The following MAFK variants were observed in gnomAD, a reference collection of about 807,000 sequenced individuals.
The protein encoded by MAFK is MAF bZIP transcription factor K.
A neutral mutation model predicts 9.2 loss-of-function variants in MAFK; 1 was observed. The observed-to-expected ratio is 0.11, with a 90% confidence interval of 0.04 to 0.52. The LOEUF (loss-of-function observed/expected upper bound fraction) is 0.52, where lower values mean the gene tolerates loss of function less well. Ranked by LOEUF, MAFK falls within the 20% of genes least tolerant of loss-of-function variation. The pLI, the probability that MAFK is intolerant of heterozygous loss-of-function variation, is 0.94. For missense variants in MAFK, 207 were observed against 236.0 expected, an observed-to-expected ratio of 0.88 and a Z score of 0.81; for synonymous variants, 110 against 107.4, an observed-to-expected ratio of 1.02 and a Z score of -0.15.
At chr7:1,537,296 C>A in intron 1 of MAFK, 1 of 819,404 alleles carries the variant, frequency 1.2e-6, no homozygotes, top group Non-Finnish European at 1.5e-6. Context: ...GGCCCAGGAG[C>A]GGGTCCTTGC....
chr7:1,539,134 G>T lies in MAFK; in HGVS notation c.-44-15G>T. The T allele has an allele frequency of 1.2e-6, 2 of 1,609,886 alleles. No homozygotes were observed. Among genetic ancestry groups the T allele is most frequent in the African/African-American group, 1.3e-5 (1 of 74,850 alleles). ...CTGACCTGTGCTGGCTTCTCTGCTT[G>T]TCCATGTTTTCCAGCTACGAGTTCC... On this transcript the variant is annotated splice_polypyrimidine_tract_variant and intron_variant, in intron 1 of 2. Coordinates refer to ENST00000343242, the MANE Select transcript of MAFK (RefSeq NM_002360.4).
At position 1,540,243 on chromosome 7, in the gene MAFK, G is replaced by A. The variant is rs776806028; in HGVS notation, c.339G>A (p.Ala113=). The part of the protein sequence containing the change: ...ELDALRSKYE[A]LQTFARTVAR... ...ACGCCCTGCGCTCCAAGTACGAGGC[G>A]CTGCAGACCTTCGCGCGCACCGTGG... The change falls in exon 3 of 3, where the codon GCG becomes GCA. Residue 113 remains alanine (A), a synonymous_variant. Transcript: ENST00000343242. 1.6e-5 allele frequency: 25 copies of A among 1,607,702 alleles called. No homozygotes were observed. Among genetic ancestry groups the A allele is most frequent in the South Asian group, 3.3e-5 (3 of 89,992 alleles).
chr7:1,535,216 C>G (rs552696216), intron 1 of MAFK, among the ~76,000 whole-genome samples: 152 of 151,634 alleles, frequency 1.0e-3, no homozygotes, highest in African/African-American at 3.4e-3. Flanking sequence ...CCAGTCCCAA[C>G]TTGGTGGAGA....
intron 1 of MAFK, among the ~76,000 whole-genome samples, chr7:1,535,838 C>G (rs1784014845): frequency 6.6e-6 from 1 of 152,242 alleles, no homozygotes; most frequent in Admixed American, 6.5e-5. Context: ...CTGCCCTGCG[C>G]TTTATGGAGC....
At chr7:1,538,813 C>T (rs942763552) in intron 1 of MAFK, 5 of 256,594 alleles carry the variant, frequency 1.9e-5, no homozygotes, top group Admixed American at 1.8e-4. Flanking sequence ...ACAGTGCCGG[C>T]GGCTGCAGCC....
chr7:1,540,434 AC>A lies in MAFK; in HGVS notation c.*63del. On this transcript the variant is annotated 3_prime_UTR_variant, in exon 3 of 3. Transcript: ENST00000343242. ...GCGGCGGGCAGGCGGGTGGGGGCAC[AC>A]CCCTCGTACCTGTCACTGGGATGCA... is the stretch of plus-strand genomic sequence containing the variant. The A allele has an allele frequency of 7.8e-7, 1 of 1,276,906 alleles. No homozygotes were observed. Among genetic ancestry groups the A allele is most frequent in the East Asian group, 2.6e-5 (1 of 38,904 alleles). 79.1% of individuals were successfully genotyped at this position (1,276,906 alleles called of 1,614,324 possible).
rs761089648 is a variant in MAFK at position 1,540,239 on chromosome 7, A to G, written c.335A>G (p.Glu112Gly). Reference sequence around the variant, plus strand: ...CTGGACGCCCTGCGCTCCAAGTACGAGGCGCTGCAGACCTTCGCGCGCACC... The same window carrying G: ...CTGGACGCCCTGCGCTCCAAGTACGGGGCGCTGCAGACCTTCGCGCGCACC... ...LELDALRSKY[E>G]ALQTFARTVA... is the part of the protein sequence containing the mutation. Residue 112 changes from glutamate to glycine, a missense_variant, in exon 3 of 3, where the codon GAG becomes GGG. Coordinates refer to ENST00000343242, the MANE Select transcript of MAFK (RefSeq NM_002360.4). 2 of 1,606,922 alleles carry G rather than the reference A, an allele frequency of 1.2e-6. No homozygotes were observed. Among genetic ancestry groups the G allele is most frequent in the Non-Finnish European group, 1.7e-6 (2 of 1,177,552 alleles).
chr7:1,531,090 GCC>G (rs1783893556), intron 1 of MAFK, among the ~76,000 whole-genome samples, 192 bp downstream of exon 1: 1 of 148,078 alleles, frequency 6.8e-6, no homozygotes. Flanking sequence ...GGTGGGCCCC[GCC>G]CCGCAGGCCC....
chr7:1,535,382 T>C (rs370186848), intron 1 of MAFK, among the ~76,000 whole-genome samples: 1 of 152,184 alleles, frequency 6.6e-6, no homozygotes, highest in African/African-American at 2.4e-5. Context: ...TGGCCGGGCA[T>C]GGTGGCTCAT....
intron 2 of MAFK, 68 bp from the exon 3 acceptor site, chr7:1,539,873 C>A (rs940053501): frequency 2.2e-6 from 3 of 1,366,436 alleles, no homozygotes; most frequent in African/African-American, 2.9e-5. Flanking sequence ...TTCCTGGCCA[C>A]CCCAGTGTCG....
Position 1,531,614 on chromosome 7 carries a change from T to C in MAFK, c.-45+716T>C, listed in dbSNP as rs575931300. On this transcript the variant is annotated intron_variant, in intron 1 of 2. Coordinates refer to ENST00000343242, the MANE Select transcript of MAFK (RefSeq NM_002360.4). Reference sequence around the variant, plus strand: ...CGTGTGGGGCAGGGGCTCCGGCCTCTTCCCGCTCCCACTGCGTGAGTTCTT... The same window carrying C: ...CGTGTGGGGCAGGGGCTCCGGCCTCCTCCCGCTCCCACTGCGTGAGTTCTT... Among the ~76,000 whole-genome samples the C allele has an allele frequency of 3.0e-3, 453 of 152,306 alleles. 1 individual carries two copies. The highest frequency in any genetic ancestry group is 5.3e-3 in the Admixed American group (81 of 15,312).
In MAFK at chr7:1,539,941, G is replaced by A. The variant is rs1257092591; in HGVS notation, c.37G>A (p.Val13Ile). 5 of 1,523,944 alleles carry A rather than the reference G, an allele frequency of 3.3e-6. No homozygotes were observed. In the East Asian group the frequency reaches 9.9e-5, roughly 30 times the overall value. 94.4% of individuals were successfully genotyped at this position (1,523,944 alleles called of 1,614,324 possible). The change falls in exon 3 of 3, where the codon GTC (valine) becomes ATC (isoleucine). Residue 13 changes from valine to isoleucine, a missense_variant and splice_region_variant. Coordinates refer to ENST00000343242, the MANE Select transcript of MAFK (RefSeq NM_002360.4). Reference protein sequence around the residue: ...TNPKPNKALKVKKEAGENAPV... With the variant: ...TNPKPNKALKIKKEAGENAPV... ...CTGACCCCGCACTGTGGCCCCCCAGGTCAAGAAGGAGGCGGGCGAGAACGC... is the reference window on the plus strand; with the variant it reads ...CTGACCCCGCACTGTGGCCCCCCAGATCAAGAAGGAGGCGGGCGAGAACGC...
At chr7:1,535,569 C>T (rs1335915821) in intron 1 of MAFK, among the ~76,000 whole-genome samples, 2 of 152,210 alleles carry the variant, frequency 1.3e-5, no homozygotes, top group Admixed American at 6.5e-5. Context: ...GCAGGAGGAT[C>T]GCTTGAGCTC....
intron 1 of MAFK, among the ~76,000 whole-genome samples, chr7:1,533,561 C>A (rs950139031): frequency 3.3e-5 from 5 of 152,104 alleles, no homozygotes; most frequent in African/African-American, 1.2e-4. Flanking sequence ...TGGGAGGAAC[C>A]CCCAAGACTT....
Position 1,539,187 on chromosome 7 carries a change from CG to C in MAFK, c.-3del. 6.2e-7 allele frequency: 1 copy of C among 1,612,568 alleles called. No individual in the cohort carries two copies. On this transcript the variant is annotated 5_prime_UTR_variant, in exon 2 of 3. Coordinates refer to ENST00000343242, the MANE Select transcript of MAFK (RefSeq NM_002360.4). The stretch of plus-strand genomic sequence containing the variant: ...GGAGCTCTGTCCTGGTGACCGTGCC[CG>C]GGTTATGACGACTAATCCCAAACCG...
chr7:1,533,186 C>T (rs115126243), intron 1 of MAFK, among the ~76,000 whole-genome samples: 41 of 152,286 alleles, frequency 2.7e-4, no homozygotes, highest in African/African-American at 8.9e-4. Flanking sequence ...TCCCACAGGC[C>T]GGTGGGGTCT....
chr7:1,533,679 G>A (rs979375516), intron 1 of MAFK, among the ~76,000 whole-genome samples: 5 of 152,084 alleles, frequency 3.3e-5, no homozygotes, highest in African/African-American at 1.2e-4. Context: ...AGCCTGGGCA[G>A]GTGCTGTGGG....
intron 1 of MAFK, among the ~76,000 whole-genome samples, chr7:1,535,400 A>G (rs1784004127): frequency 6.6e-6 from 1 of 152,164 alleles, no homozygotes. Flanking sequence ...CATACCTGTA[A>G]TCCCAGCACT....
rs780544149 is a variant in MAFK, at chr7:1,534,293, T to C, written c.-45+3395T>C. ...CTGGGACCAGCTGGGCTGCAATTAG[T>C]CGGTTGACACCTGTTTGACAGGCAC... On this transcript the variant is annotated intron_variant, in intron 1 of 2. Coordinates refer to ENST00000343242, the MANE Select transcript of MAFK (RefSeq NM_002360.4). This position sits in a 1 kb window ranked among gnomAD's most constrained non-coding sequence, Gnocchi z 4.3. The C allele has an allele frequency of 3.1e-5, 14 of 455,764 alleles. No homozygotes were observed. The highest frequency in any genetic ancestry group is 2.2e-4 in the South Asian group (14 of 64,554). The allele number at this position is 455,764 out of a possible 1,614,324, so 28.2% of individuals were successfully genotyped here.
Sources: allele counts gnomAD v4.1 joint callset (sites outside exome capture counted in the v4.1 genomes callset), GRCh38; gene constraint gnomAD v4.1.1; non-coding constraint Gnocchi (gnomAD v3.1); transcripts MANE v1.5; gene names NCBI Gene and HGNC (gene_info 2026-07-23, HGNC 2026-07-21).